Variants in TDP1 observed in about 807,000 individuals in gnomAD.
The protein encoded by TDP1 is tyr-DNA phosphodiesterase 1.
Under a neutral mutation model 81.5 loss-of-function variants are expected in TDP1, and 64 were observed. The ratio of observed to expected loss-of-function variants is 0.79; its 90% CI spans 0.64 to 0.97. The LOEUF (loss-of-function observed/expected upper bound fraction) is 0.97, where lower values mean the gene tolerates loss of function less well. Ranked by LOEUF, TDP1 falls within the 50% of genes least tolerant of loss-of-function variation. TDP1 has a pLI of 0.00. For synonymous variants in TDP1, 256 were observed against 264.3 expected, an observed-to-expected ratio of 0.97 and a Z score of 0.30; for missense variants, 723 against 743.8, an observed-to-expected ratio of 0.97 and a Z score of 0.33.
At chr14:90,005,797 G>A (rs763214095) in intron 14 of TDP1, among the ~76,000 whole-genome samples, 13 of 152,168 alleles carry the variant, frequency 8.5e-5, no homozygotes, top group Non-Finnish European at 1.2e-4. Context: ...GCAGTTTTTG[G>A]TTGTCACATG....
Position 89,963,307 on chromosome 14 carries a change from T to A in TDP1, c.193T>A (p.Phe65Ile). Residue 65 changes from phenylalanine to isoleucine, a missense_variant, in exon 3 of 17, where the codon TTC becomes ATC. Transcript: ENST00000335725. ...AHKRKISPVK[F>I]SNTDSVLPPK... ...CAAGAGGAAAATATCACCTGTGAAATTCAGCAATACAGATTCAGTTTTACC... is the reference window on the plus strand; with the variant it reads ...CAAGAGGAAAATATCACCTGTGAAAATCAGCAATACAGATTCAGTTTTACC... 4 of 1,614,158 alleles carry A rather than the reference T, an allele frequency of 2.5e-6. No homozygotes were observed. Among genetic ancestry groups the A allele is most frequent in the Non-Finnish European group, 3.4e-6 (4 of 1,180,044 alleles).
At chr14:89,960,999 C>T (rs1437787259) in intron 2 of TDP1, among the ~76,000 whole-genome samples, 1 of 152,192 alleles carries the variant, frequency 6.6e-6, no homozygotes, top group African/African-American at 2.4e-5. Flanking sequence ...AGGCAGAGAC[C>T]TTTAATGGCA....
rs781505913 is a variant in TDP1 at position 90,043,083 on chromosome 14, A to G, written c.1767A>G (p.Ile589Met). Reference protein sequence around the residue: ...ELYGSKDRPWIWNIPYVKAPD... With the variant: ...ELYGSKDRPWMWNIPYVKAPD... ...TTTTTCCCCCAGATCGGCCATGGAT[A>G]TGGAACATTCCTTATGTCAAAGCAC... Residue 589 changes from isoleucine (I) to methionine (M), a missense_variant, in exon 17 of 17, where the codon ATA (isoleucine) becomes ATG (methionine). Ile to Met is a conservative substitution (Grantham distance 10, BLOSUM62 1). Transcript: ENST00000335725. The G allele has an allele frequency of 3.1e-6, 5 of 1,614,186 alleles. No individual in the cohort carries two copies. In the South Asian group the frequency reaches 3.3e-5, roughly 11 times the overall value.
chr14:89,965,814 A>G (rs757585704), intron 3 of TDP1: 7 of 984,948 alleles, frequency 7.1e-6, no homozygotes, highest in Non-Finnish European at 8.4e-6. Flanking sequence ...TTGAATGGGT[A>G]CTTGGAGGAG....
intron 14 of TDP1, among the ~76,000 whole-genome samples, chr14:89,996,639 C>T (rs543340530): frequency 6.6e-6 from 1 of 152,312 alleles, no homozygotes; most frequent in South Asian, 2.1e-4. Context: ...GTCATGTCTA[C>T]TATTGAACAA....
chr14:90,004,699 A>G (rs1897498605), intron 14 of TDP1, among the ~76,000 whole-genome samples: 1 of 152,212 alleles, frequency 6.6e-6, no homozygotes. Context: ...CTTGCCTTCT[A>G]ATTGATGTAG....
intron 5 of TDP1, among the ~76,000 whole-genome samples, chr14:89,970,374 C>T (rs1182657710): frequency 6.6e-6 from 1 of 152,162 alleles, no homozygotes; most frequent in African/African-American, 2.4e-5. Flanking sequence ...TGCTGTGGGC[C>T]TGGCCTGGGC....
Position 89,978,416 on chromosome 14 carries a change from T to G in TDP1, c.792-2124T>G, listed in dbSNP as rs554405349. Among the ~76,000 whole-genome samples the G allele has an allele frequency of 2.0e-5, 3 of 152,334 alleles. No individual in the cohort carries two copies. The East Asian group carries it at 5.8e-4, about 29-fold the overall frequency. ...ACGACAGAGCTTCTAGGATGGCACCTGGTAGAGAGGTGCTTGCCATATGTT... is the reference window on the plus strand; with the variant it reads ...ACGACAGAGCTTCTAGGATGGCACCGGGTAGAGAGGTGCTTGCCATATGTT... On this transcript the variant is annotated intron_variant, in intron 7 of 16. Coordinates refer to ENST00000335725, the MANE Select transcript of TDP1 (RefSeq NM_018319.4).
rs538883354 is a variant in TDP1 at position 90,003,246 on chromosome 14, A to G, written c.1541+9763A>G. Among the ~76,000 whole-genome samples the G allele has an allele frequency of 1.9e-4, 29 of 152,300 alleles. No individual in the cohort carries two copies. In the South Asian group the frequency reaches 5.6e-3, roughly 29 times the overall value. On this transcript the variant is annotated intron_variant, in intron 14 of 16. Coordinates refer to ENST00000335725, the MANE Select transcript of TDP1 (RefSeq NM_018319.4). ...CCACTGCGCCCAGCCATATGTGGTTAATTTTTAAATTGGTCACAATTACTC... is the reference window on the plus strand; with the variant it reads ...CCACTGCGCCCAGCCATATGTGGTTGATTTTTAAATTGGTCACAATTACTC...
intron 6 of TDP1, chr14:89,975,312 G>A (rs550758602): frequency 2.2e-5 from 12 of 542,778 alleles, no homozygotes; most frequent in African/African-American, 1.4e-4. Flanking sequence ...TCCTGACTTC[G>A]TGATGTGCCC....
At chr14:90,031,355 G>A (rs896554585) in intron 15 of TDP1, among the ~76,000 whole-genome samples, 6 of 149,208 alleles carry the variant, frequency 4.0e-5, no homozygotes, top group Non-Finnish European at 5.9e-5. Flanking sequence ...GAGAATATGC[G>A]GACAAACACA....
chr14:90,032,763 A>G lies in TDP1; in HGVS notation c.1645-343A>G, dbSNP rs34507425. 371 of 985,384 alleles carry G rather than the reference A, an allele frequency of 3.8e-4. 3 individuals carry two copies. The African/African-American group carries it at 6.2e-3, about 16-fold the overall frequency. The allele number at this position is 985,384 out of a possible 1,614,324, so 61.0% of individuals were successfully genotyped here. A position where few individuals can be genotyped will look rare whatever the true frequency, so the allele number is the denominator to read the frequency against. On this transcript the variant is annotated intron_variant, in intron 15 of 16. Coordinates refer to ENST00000335725, the MANE Select transcript of TDP1 (RefSeq NM_018319.4). ...GAAGTATTTTGAGGTATTTTTATAC[A>G]GTGAGTTCTACAAACTCCCTGCAAA... is the stretch of plus-strand genomic sequence containing the variant.
intron 14 of TDP1, among the ~76,000 whole-genome samples, chr14:90,000,530 ATG>A (rs1897097364): frequency 6.6e-6 from 1 of 152,056 alleles, no homozygotes; most frequent in Non-Finnish European, 1.5e-5. Flanking sequence ...GATTACAGGC[ATG>A]CGCCACCAGA....
intron 8 of TDP1, among the ~76,000 whole-genome samples, chr14:89,983,435 C>T (rs1895219651): frequency 6.6e-6 from 1 of 152,202 alleles, no homozygotes. Flanking sequence ...GGCCGAGAGT[C>T]CTTGCAGTTC....
intron 13 of TDP1, chr14:89,993,119 A>G (rs1896359480): frequency 4.1e-6 from 4 of 976,368 alleles, no homozygotes; most frequent in Non-Finnish European, 3.7e-6. Context: ...GTATGCATGT[A>G]TGTATGTTCA....
At chr14:90,017,455 T>G (rs1235082438) in intron 14 of TDP1, among the ~76,000 whole-genome samples, 1 of 152,242 alleles carries the variant, frequency 6.6e-6, no homozygotes, top group Non-Finnish European at 1.5e-5. Context: ...CTTAGAAATC[T>G]GTTACAAGCC....
rs1895977912 is a variant in TDP1, at chr14:89,989,728, T to G, written c.1329T>G (p.Ser443=). 4 of 1,610,900 alleles carry G rather than the reference T, an allele frequency of 2.5e-6. No individual in the cohort carries two copies. The highest frequency in any genetic ancestry group is 3.4e-6 in the Non-Finnish European group (4 of 1,177,180). Residue 443 remains serine (S), a synonymous_variant, in exon 12 of 17, where the codon TCT becomes TCG. Coordinates refer to ENST00000335725, the MANE Select transcript of TDP1 (RefSeq NM_018319.4). ...SSVPLYLIYP[S]VENVRTSLEG... ...CCTCTTATTTTTAGATCTATCCTTCTGTGGAAAATGTGCGGACCAGTTTAG... is the reference window on the plus strand; with the variant it reads ...CCTCTTATTTTTAGATCTATCCTTCGGTGGAAAATGTGCGGACCAGTTTAG...
intron 14 of TDP1, among the ~76,000 whole-genome samples, chr14:90,018,256 G>T (rs1885552230): frequency 6.6e-6 from 1 of 152,048 alleles, no homozygotes; most frequent in African/African-American, 2.4e-5. Flanking sequence ...AGGTTTATAT[G>T]TTTTAAAAAT....
chr14:89,969,915 C>G (rs35561677), intron 5 of TDP1, among the ~76,000 whole-genome samples: 1 of 124,232 alleles, frequency 8.0e-6, no homozygotes, highest in African/African-American at 3.0e-5. Flanking sequence ...CTCGCTCTGT[C>G]GCCCAGGCTG....
Sources: allele counts gnomAD v4.1 joint callset (sites outside exome capture counted in the v4.1 genomes callset), GRCh38; gene constraint gnomAD v4.1.1; transcripts MANE v1.5; gene names NCBI Gene and HGNC (gene_info 2026-07-23, HGNC 2026-07-21).